BPHL: variants seen among roughly 807,000 people sequenced by gnomAD.
BPHL encodes the protein serine hydrolase BPHL.
A neutral mutation model predicts 31.2 loss-of-function variants in BPHL; 27 were observed. The ratio of observed to expected loss-of-function variants is 0.87; its 90% CI spans 0.64 to 1.19. The LOEUF (loss-of-function observed/expected upper bound fraction) is 1.19. Among genes scored for constraint, BPHL ranks in the 50% most tolerant of loss-of-function variants. The pLI is 0.00. For synonymous variants in BPHL, 150 were observed against 146.8 expected, an observed-to-expected ratio of 1.02 and a Z score of -0.16; for missense variants, 356 against 375.7, an observed-to-expected ratio of 0.95 and a Z score of 0.43.
intron 1 of BPHL, among the ~76,000 whole-genome samples, chr6:3,119,053 G>C (rs75246473): frequency 0.028 from 4,193 of 152,318 alleles, 184 homozygotes; most frequent in African/African-American, 0.096. Context: ...TCGTGCATGC[G>C]CCTCGGTCAG....
At position 3,137,389 on chromosome 6, in the gene BPHL, A is replaced by C. The variant is rs908918737; in HGVS notation, c.560A>C (p.Glu187Ala). The C allele has an allele frequency of 6.2e-7, 1 of 1,612,278 alleles. No individual in the cohort carries two copies. Among genetic ancestry groups the C allele is most frequent in the African/African-American group, 1.3e-5 (1 of 74,324 alleles). The change falls in exon 5 of 7, where the codon GAG (glutamate) becomes GCG (alanine). Residue 187 changes from glutamate to alanine, a missense_variant. Coordinates refer to ENST00000380379, the MANE Select transcript of BPHL (RefSeq NM_004332.4). ...ATCCGAGATGTTTCCAAATGGAGTGAGAGAACAAGAAAGCCTCTAGAAGCC... is the reference window on the plus strand; with the variant it reads ...ATCCGAGATGTTTCCAAATGGAGTGCGAGAACAAGAAAGCCTCTAGAAGCC... ...EGIRDVSKWS[E>A]RTRKPLEALY...
chr6:3,122,332 T>C (rs1460608570), intron 1 of BPHL, among the ~76,000 whole-genome samples: 1 of 152,174 alleles, frequency 6.6e-6, no homozygotes, highest in Non-Finnish European at 1.5e-5. Context: ...TTGATTTCAT[T>C]GTATTGGCAC....
chr6:3,137,254 A>T, intron 4 of BPHL, 108 bp from the exon 5 acceptor site: 1 of 1,394,392 alleles, frequency 7.2e-7, no homozygotes, highest in Non-Finnish European at 9.8e-7. Context: ...TTCCAGGCAG[A>T]CGAGACAGTG....
intron 6 of BPHL, among the ~76,000 whole-genome samples, chr6:3,143,440 A>G (rs1762232693): frequency 6.6e-6 from 1 of 152,180 alleles, no homozygotes; most frequent in Admixed American, 6.5e-5. Flanking sequence ...AAAAATAAGA[A>G]TCGCTTATTT....
chr6:3,150,425 C>T (rs1469179761), intron 6 of BPHL, among the ~76,000 whole-genome samples: 3 of 152,158 alleles, frequency 2.0e-5, no homozygotes, highest in Non-Finnish European at 4.4e-5. Flanking sequence ...CATACATTTA[C>T]CTTGGGGTTA....
chr6:3,119,548 A>G (rs1761501517), intron 1 of BPHL: 2 of 1,612,846 alleles, frequency 1.2e-6, no homozygotes, highest in Non-Finnish European at 1.7e-6. Flanking sequence ...TTAATTTCTG[A>G]CCTTCTGTCT....
intron 6 of BPHL, among the ~76,000 whole-genome samples, chr6:3,143,020 A>T (rs1282451126): frequency 7.2e-5 from 11 of 152,176 alleles, no homozygotes; most frequent in Non-Finnish European, 1.6e-4. Flanking sequence ...GGAGTTCAAG[A>T]CCAGCCTGGC....
chr6:3,133,008 T>C (rs1252754462), intron 4 of BPHL, among the ~76,000 whole-genome samples: 1 of 152,242 alleles, frequency 6.6e-6, no homozygotes, highest in Non-Finnish European at 1.5e-5. Context: ...GGCCTGTCCC[T>C]TCTGCTAAAT....
intron 6 of BPHL, 109 bp from the exon 7 acceptor site, chr6:3,152,379 A>T: frequency 1.1e-6 from 1 of 884,610 alleles, no homozygotes; most frequent in South Asian, 1.6e-5. Context: ...GTCATGGGGG[A>T]AATGTGTTAA....
intron 5 of BPHL, chr6:3,139,532 G>A (rs536322694): frequency 2.0e-5 from 3 of 152,336 alleles, no homozygotes; most frequent in Non-Finnish European, 4.4e-5. Flanking sequence ...GGAGGGAAAG[G>A]CCTGGGGCCC....
chr6:3,140,604 T>C lies in BPHL; in HGVS notation c.788+95T>C, dbSNP rs1169247218. 6.4e-7 allele frequency: 1 copy of C among 1,559,920 alleles called. No individual in the cohort carries two copies. Among genetic ancestry groups the C allele is most frequent in the Non-Finnish European group, 8.7e-7 (1 of 1,151,308 alleles). ...AAAATAACCAAGAGGAGTTGGAGTT[T>C]TAGAGTGCACAGCCCCCCTTTTGCC... On this transcript the variant is annotated intron_variant, in intron 6 of 6. Transcript: ENST00000380379. This position sits in a 1 kb window ranked among gnomAD's most constrained non-coding sequence, Gnocchi z 5.2.
chr6:3,146,435 A>G (rs1762366497), intron 6 of BPHL, among the ~76,000 whole-genome samples: 1 of 123,984 alleles, frequency 8.1e-6, no homozygotes, highest in East Asian at 2.5e-4. Context: ...TTTGGGTCGG[A>G]GTGCTGGTTT....
chr6:3,133,818 G>T (rs550915404), intron 4 of BPHL, among the ~76,000 whole-genome samples: 1 of 152,346 alleles, frequency 6.6e-6, no homozygotes, highest in African/African-American at 2.4e-5. Flanking sequence ...GGGTGTAGGA[G>T]CAACAGTATC....
intron 6 of BPHL, among the ~76,000 whole-genome samples, chr6:3,147,196 G>A (rs1174083171): frequency 6.6e-6 from 1 of 152,068 alleles, no homozygotes; most frequent in African/African-American, 2.4e-5. Context: ...AGGAGGTGGA[G>A]GCTGCAGTGA....
At chr6:3,131,840 C>T (rs1324836232) in intron 4 of BPHL, among the ~76,000 whole-genome samples, 3 of 152,236 alleles carry the variant, frequency 2.0e-5, no homozygotes, top group Non-Finnish European at 4.4e-5. Flanking sequence ...GGCATATTCA[C>T]CCCTGACACA....
intron 5 of BPHL, chr6:3,138,901 CTG>C (rs1333322737): frequency 6.6e-6 from 1 of 152,360 alleles, no homozygotes; most frequent in Non-Finnish European, 1.5e-5. Flanking sequence ...AGTGTATAAA[CTG>C]TCTCACAGCG....
rs1469260028 is a variant in BPHL at position 3,146,315 on chromosome 6, C to G, written c.788+5806C>G. ...TCGAGTGCTGGTTCGGGTTGGAGTG[C>G]TGGTTCGGGTCAGAGTGCTGGTTCG... On this transcript the variant is annotated intron_variant, in intron 6 of 6. Transcript: ENST00000380379. 4.3e-5 allele frequency among the ~76,000 whole-genome samples: 3 copies of G among 70,200 alleles called. 1 individual carries two copies. The highest frequency in any genetic ancestry group is 9.8e-5 in the Non-Finnish European group (3 of 30,604). 46.1% of individuals were successfully genotyped at this position (70,200 alleles called of 152,430 possible). A position where few individuals can be genotyped will look rare whatever the true frequency, so the allele number is the denominator to read the frequency against.
chr6:3,143,356 T>A (rs1471376558), intron 6 of BPHL, among the ~76,000 whole-genome samples: 1 of 152,078 alleles, frequency 6.6e-6, no homozygotes, highest in Non-Finnish European at 1.5e-5. Context: ...GAACAAAGGG[T>A]GGAGTTGCTC....
intron 4 of BPHL, among the ~76,000 whole-genome samples, chr6:3,134,315 T>A (rs1254370171): frequency 1.3e-5 from 2 of 151,916 alleles, no homozygotes; most frequent in East Asian, 1.9e-4. Flanking sequence ...TTAGGGTAAC[T>A]GTGTTGCAAG....
Sources: gnomAD v4.1 joint callset for allele counts (sites outside exome capture counted in the v4.1 genomes callset) on GRCh38, gnomAD v4.1.1 for gene constraint, Gnocchi (gnomAD v3.1) non-coding constraint, MANE v1.5 for transcripts, NCBI Gene and HGNC (gene_info 2026-07-23, HGNC 2026-07-21) for gene names.